MON2: variants seen among roughly 807,000 people sequenced by gnomAD.
The protein encoded by MON2 is MON2 regulator of endosome-to-Golgi trafficking.
MON2 carries 84 observed loss-of-function variants against 208.6 expected under a neutral mutation model. The observed-to-expected ratio is 0.40, with a 90% confidence interval of 0.34 to 0.48. The LOEUF is 0.48. Ranked by LOEUF, MON2 falls within the 20% of genes least tolerant of loss-of-function variation. The pLI is 0.59. For synonymous variants in MON2, 660 were observed against 694.0 expected (o/e 0.95, Z 0.77); for missense variants, 1,611 against 2,015.4 (o/e 0.80, Z 3.84).
At chr12:62,535,122 T>G (rs1008816898) in intron 13 of MON2, among the ~76,000 whole-genome samples, 196 bp downstream of exon 13, 2 of 152,206 alleles carry the variant, frequency 1.3e-5, no homozygotes, top group Non-Finnish European at 2.9e-5. Context: ...TGTCATGATG[T>G]TTTAATGGAA....
chr12:62,478,781 A>G (rs946260606), intron 1 of MON2, among the ~76,000 whole-genome samples: 5 of 152,214 alleles, frequency 3.3e-5, no homozygotes, highest in African/African-American at 7.2e-5. Context: ...GAATTGAGAC[A>G]GTGGATGGAT....
chr12:62,552,869 T>A lies in MON2; in HGVS notation c.2917-12T>A. ...CTTGGATGAACTAATATTTTTCTAC[T>A]TTGCTTTTTAGTGGAATATTTCAGA... is the stretch of plus-strand genomic sequence containing the variant. On this transcript the variant is annotated splice_polypyrimidine_tract_variant and intron_variant, in intron 23 of 34. Coordinates refer to ENST00000393630, the MANE Select transcript of MON2 (RefSeq NM_015026.3). The A allele has an allele frequency of 1.2e-6, 2 of 1,601,450 alleles. No homozygotes were observed. The highest frequency in any genetic ancestry group is 1.7e-6 in the Non-Finnish European group (2 of 1,170,392).
intron 12 of MON2, among the ~76,000 whole-genome samples, chr12:62,534,417 G>C (rs2072808206): frequency 6.8e-6 from 1 of 148,038 alleles, no homozygotes; most frequent in African/African-American, 2.5e-5. Flanking sequence ...TACTCAGGAG[G>C]CTAAGGCAGG....
intron 7 of MON2, among the ~76,000 whole-genome samples, chr12:62,507,391 C>T (rs2071162402): frequency 6.6e-6 from 1 of 151,306 alleles, no homozygotes; most frequent in Admixed American, 6.6e-5. Flanking sequence ...TCATGGCTCA[C>T]TGCAGCCTCA....
rs976407415 is a variant in MON2, at chr12:62,599,613, T to C, written c.*6864T>C. The C allele has an allele frequency of 6.6e-6, 1 of 152,200 alleles. No homozygotes were observed. The highest frequency in any genetic ancestry group is 1.9e-4 in the East Asian group (1 of 5,200). The allele number at this position is 152,200 out of a possible 1,614,324, so 9.4% of individuals were successfully genotyped here. On this transcript the variant is annotated 3_prime_UTR_variant, in exon 35 of 35. Coordinates refer to ENST00000393630, the MANE Select transcript of MON2 (RefSeq NM_015026.3). The stretch of plus-strand genomic sequence containing the variant: ...AAGTAGCCTTGCAAAGAAGTTATTT[T>C]CATTTTACAGAAGAGTCAAGGATTA...
chr12:62,524,878 T>C (rs879270180), intron 9 of MON2, among the ~76,000 whole-genome samples: 2 of 152,164 alleles, frequency 1.3e-5, no homozygotes, highest in African/African-American at 2.4e-5. Flanking sequence ...CTGAATTTAC[T>C]GATTTAATAT....
chr12:62,527,835 C>T (rs1194711436), intron 11 of MON2, among the ~76,000 whole-genome samples: 2 of 146,776 alleles, frequency 1.4e-5, no homozygotes, highest in East Asian at 4.0e-4. Context: ...AAGATGTGTA[C>T]TTGAGGAAGG....
At chr12:62,483,595 A>G (rs1307893965) in intron 1 of MON2, among the ~76,000 whole-genome samples, 1 of 152,204 alleles carries the variant, frequency 6.6e-6, no homozygotes, top group Non-Finnish European at 1.5e-5. Context: ...GGGTGCCTGT[A>G]ATCCCAGCTA....
At chr12:62,522,750 G>T (rs73325205) in intron 8 of MON2, among the ~76,000 whole-genome samples, 3 of 152,182 alleles carry the variant, frequency 2.0e-5, no homozygotes, top group Non-Finnish European at 4.4e-5. Context: ...TGAGGCCCTT[G>T]TTCAGTGTTC....
chr12:62,556,486 C>T (rs749293585), intron 25 of MON2, among the ~76,000 whole-genome samples: 6 of 152,104 alleles, frequency 3.9e-5, no homozygotes, highest in East Asian at 3.9e-4. Flanking sequence ...TTGTGAGCTT[C>T]GGTAAGTATT....
chr12:62,504,283 C>T (rs2070992573), intron 7 of MON2, among the ~76,000 whole-genome samples: 1 of 135,044 alleles, frequency 7.4e-6, no homozygotes, highest in South Asian at 2.3e-4. Flanking sequence ...CTTGCTCTGT[C>T]GCCCAGGTTG....
At chr12:62,554,746 T>C (rs1379445293) in intron 24 of MON2, among the ~76,000 whole-genome samples, 1 of 152,116 alleles carries the variant, frequency 6.6e-6, no homozygotes, top group Non-Finnish European at 1.5e-5. Flanking sequence ...TCATCCCCAC[T>C]TTATGGCCTT....
chr12:62,566,709 G>A (rs1437628975), intron 29 of MON2, among the ~76,000 whole-genome samples: 1 of 147,492 alleles, frequency 6.8e-6, no homozygotes, highest in African/African-American at 2.5e-5. Flanking sequence ...GACACAGGAA[G>A]GGGAGCATCA....
chr12:62,520,283 A>G (rs1434027297), intron 8 of MON2, among the ~76,000 whole-genome samples: 1 of 152,188 alleles, frequency 6.6e-6, no homozygotes, highest in Non-Finnish European at 1.5e-5. Flanking sequence ...TGCAAATATT[A>G]CATTTGTTAA....
At chr12:62,492,034 A>G (rs2070169975) in intron 2 of MON2, among the ~76,000 whole-genome samples, 1 of 152,216 alleles carries the variant, frequency 6.6e-6, no homozygotes, top group Non-Finnish European at 1.5e-5. Context: ...GGGAATAAGG[A>G]CAGGGAGCCC....
intron 23 of MON2, 136 bp from the exon 24 acceptor site, chr12:62,552,745 A>G (rs2073806136): frequency 9.4e-6 from 6 of 637,134 alleles, no homozygotes; most frequent in Non-Finnish European, 1.3e-5. Context: ...CATTGAATCT[A>G]TTCTACTAGG....
intron 8 of MON2, among the ~76,000 whole-genome samples, chr12:62,518,564 C>A (rs1018462821): frequency 1.3e-5 from 2 of 152,060 alleles, no homozygotes; most frequent in African/African-American, 4.8e-5. Context: ...GCTGACAGTG[C>A]CAAGTTTCTT....
chr12:62,546,087 G>T (rs187748555), intron 21 of MON2, among the ~76,000 whole-genome samples: 186 of 152,112 alleles, frequency 1.2e-3, no homozygotes, highest in Admixed American at 3.4e-3. Flanking sequence ...AACAAATTTC[G>T]TGGTTTTATG....
intron 25 of MON2, among the ~76,000 whole-genome samples, chr12:62,558,583 G>A (rs1363803315): frequency 6.6e-6 from 1 of 151,996 alleles, no homozygotes; most frequent in East Asian, 1.9e-4. Flanking sequence ...ATGGCAACAG[G>A]TAGAAGTGTT....
Sources: gnomAD v4.1 joint callset for allele counts (sites outside exome capture counted in the v4.1 genomes callset) on GRCh38, gnomAD v4.1.1 for gene constraint, MANE v1.5 for transcripts, NCBI Gene and HGNC (gene_info 2026-07-23, HGNC 2026-07-21) for gene names.